The following ATG10 variants were observed in gnomAD, a reference collection of about 807,000 sequenced individuals.
ATG10 encodes ubiquitin-like-conjugating enzyme ATG10.
ATG10 carries 30 observed loss-of-function variants against 32.1 expected under a neutral mutation model. The observed-to-expected ratio is 0.94, with a 90% confidence interval of 0.70 to 1.27. The LOEUF (loss-of-function observed/expected upper bound fraction) is 1.27. Among genes scored for constraint, ATG10 ranks in the 50% most tolerant of loss-of-function variants. The pLI, the probability that ATG10 is intolerant of heterozygous loss-of-function variation, is 0.00. For synonymous variants in ATG10, 87 were observed against 91.5 expected, an observed-to-expected ratio of 0.95 and a Z score of 0.28; for missense variants, 233 against 262.3, an observed-to-expected ratio of 0.89 and a Z score of 0.77.
chr5:82,137,432 T>G (rs1241143540), intron 3 of ATG10, among the ~76,000 whole-genome samples: 2 of 152,206 alleles, frequency 1.3e-5, no homozygotes, highest in Non-Finnish European at 2.9e-5. Flanking sequence ...TGATGCTATG[T>G]TCCTTTCTGT....
At chr5:82,059,387 TATAC>T (rs201603082) in intron 3 of ATG10, among the ~76,000 whole-genome samples, 3,287 of 14,204 alleles carry the variant, frequency 0.23, 122 homozygotes, top group African/African-American at 0.3. Context: ...ATTTCTATCA[TATAC>T]ACACACACAC....
At chr5:81,979,009 C>A (rs1433877438) in intron 1 of ATG10, among the ~76,000 whole-genome samples, 4 of 152,058 alleles carry the variant, frequency 2.6e-5, no homozygotes, top group Non-Finnish European at 5.9e-5. Context: ...AAGTGATTCT[C>A]CTGCCTCAGC....
At chr5:82,205,473 G>T (rs1745254114) in intron 5 of ATG10, among the ~76,000 whole-genome samples, 1 of 152,194 alleles carries the variant, frequency 6.6e-6, no homozygotes, top group Admixed American at 6.5e-5. Flanking sequence ...AGAACTGAAA[G>T]AGCAAAGTCC....
At chr5:82,054,908 T>C (rs1182755617) in intron 2 of ATG10, among the ~76,000 whole-genome samples, 2 of 152,140 alleles carry the variant, frequency 1.3e-5, no homozygotes, top group Non-Finnish European at 2.9e-5. Flanking sequence ...TAAGCTATGA[T>C]AAGTACAAAA....
At chr5:81,981,946 C>T (rs1484160158) in intron 1 of ATG10, among the ~76,000 whole-genome samples, 1 of 152,214 alleles carries the variant, frequency 6.6e-6, no homozygotes, top group East Asian at 1.9e-4. Context: ...ATTTGAACAG[C>T]AGCAGAATAA....
intron 1 of ATG10, among the ~76,000 whole-genome samples, chr5:81,975,625 T>G (rs956939941): frequency 6.6e-6 from 1 of 151,944 alleles, no homozygotes; most frequent in Non-Finnish European, 1.5e-5. Context: ...GAGGTTGCAG[T>G]CAGCTGAGAT....
At chr5:81,993,302 CTT>C (rs1561243879) in intron 2 of ATG10, among the ~76,000 whole-genome samples, 2 of 32,034 alleles carry the variant, frequency 6.2e-5, no homozygotes, top group Non-Finnish European at 1.8e-4. Flanking sequence ...TCTTTCTTTC[CTT>C]TCTTTCCTTT....
At chr5:82,049,330 T>C (rs1763327219) in intron 2 of ATG10, among the ~76,000 whole-genome samples, 1 of 140,452 alleles carries the variant, frequency 7.1e-6, no homozygotes, top group African/African-American at 2.7e-5. Flanking sequence ...TTCTCACTCA[T>C]AGGTGGGAAT....
At chr5:82,128,067 G>A (rs145938837) in intron 3 of ATG10, among the ~76,000 whole-genome samples, 1,797 of 151,950 alleles carry the variant, frequency 0.012, 19 homozygotes, top group African/African-American at 0.04. Context: ...GATCTTTGTT[G>A]GTTTAAAGTC....
chr5:81,993,336 C>CTTCCTTCTTTCTTTCTTTCTTTCTTTCT (rs1554039310), intron 2 of ATG10, among the ~76,000 whole-genome samples: 3 of 77,676 alleles, frequency 3.9e-5, no homozygotes, highest in African/African-American at 1.9e-4. Flanking sequence ...TCCTTCCTTC[C>CTTCCTTCTTTCTTTCTTTCTTTCTTTCT]TTCTTTCTTT....
intron 4 of ATG10, among the ~76,000 whole-genome samples, chr5:82,176,249 C>T (rs1286711963): frequency 6.6e-6 from 1 of 152,110 alleles, no homozygotes; most frequent in Non-Finnish European, 1.5e-5. Flanking sequence ...ATTTGCAGTG[C>T]CTCTGCCCTC....
Position 82,176,459 on chromosome 5 carries a change from T to C in ATG10, c.356-2031T>C, listed in dbSNP as rs529369572. On this transcript the variant is annotated intron_variant, in intron 4 of 7. Coordinates refer to ENST00000282185, the MANE Select transcript of ATG10 (RefSeq NM_031482.5). ...TACAGGTATTTGTTTACTTCTAACT[T>C]TGACGTGTAAAAATTATTTTAAAAG... Among the ~76,000 whole-genome samples, 3 of 152,328 alleles carry C rather than the reference T, an allele frequency of 2.0e-5. No individual in the cohort carries two copies. The East Asian group carries it at 5.8e-4, about 29-fold the overall frequency.
At chr5:82,098,868 A>C (rs1025154846) in intron 3 of ATG10, among the ~76,000 whole-genome samples, 1 of 152,206 alleles carries the variant, frequency 6.6e-6, no homozygotes, top group Non-Finnish European at 1.5e-5. Context: ...TGTCCAACTC[A>C]CCCACAACAT....
At chr5:82,094,100 C>T (rs1672719105) in intron 3 of ATG10, among the ~76,000 whole-genome samples, 1 of 152,114 alleles carries the variant, frequency 6.6e-6, no homozygotes. Flanking sequence ...AGTTTCAGCA[C>T]CTCATCGCGG....
At chr5:82,167,026 A>G (rs1023701248) in intron 4 of ATG10, among the ~76,000 whole-genome samples, 17 of 152,264 alleles carry the variant, frequency 1.1e-4, no homozygotes, top group Admixed American at 1.0e-3. Context: ...TCTTGTATCA[A>G]CTTGTTTAGA....
intron 7 of ATG10, among the ~76,000 whole-genome samples, chr5:82,253,649 AGC>A (rs756775275): frequency 2.0e-5 from 3 of 152,192 alleles, no homozygotes; most frequent in Non-Finnish European, 4.4e-5. Context: ...GCAGGAGGTG[AGC>A]GGCAGCTGGG....
At chr5:82,052,179 G>C (rs1421996883) in intron 2 of ATG10, among the ~76,000 whole-genome samples, 2 of 152,112 alleles carry the variant, frequency 1.3e-5, no homozygotes, top group Non-Finnish European at 2.9e-5. Context: ...TTCTGAAGTA[G>C]AGCTTAGACC....
chr5:82,161,805 TCA>T (rs957174523), intron 3 of ATG10, among the ~76,000 whole-genome samples: 2 of 151,178 alleles, frequency 1.3e-5, no homozygotes, highest in East Asian at 1.9e-4. Context: ...ATTTCTTACC[TCA>T]CACTATATAC....
intron 2 of ATG10, among the ~76,000 whole-genome samples, chr5:81,995,625 A>G (rs999316691): frequency 2.0e-5 from 3 of 152,290 alleles, no homozygotes; most frequent in Non-Finnish European, 4.4e-5. Context: ...TACTCATTAA[A>G]AAAAGGGGGA....
Sources: gnomAD v4.1 joint callset for allele counts (sites outside exome capture counted in the v4.1 genomes callset) on GRCh38, gnomAD v4.1.1 for gene constraint, MANE v1.5 for transcripts, NCBI Gene and HGNC (gene_info 2026-07-23, HGNC 2026-07-21) for gene names.